PLEKHG1: variants seen among roughly 807,000 people sequenced by gnomAD.
The protein encoded by PLEKHG1 is pleckstrin homology and RhoGEF domain containing G1.
PLEKHG1 carries 44 observed loss-of-function variants against 100.8 expected under a neutral mutation model. The ratio of observed to expected loss-of-function variants is 0.44; its 90% confidence interval spans 0.34 to 0.56. The LOEUF is 0.56. Ranked by LOEUF, PLEKHG1 falls within the 20% of genes least tolerant of loss-of-function variation. The pLI, the probability that PLEKHG1 is intolerant of heterozygous loss-of-function variation, is 0.01. For synonymous variants in PLEKHG1, 640 were observed against 662.5 expected, an observed-to-expected ratio of 0.97 and a Z score of 0.52; for missense variants, 1,545 against 1,720.9, an observed-to-expected ratio of 0.90 and a Z score of 1.81.
At chr6:150,723,100 C>T (rs1051268930) in intron 1 of PLEKHG1, among the ~76,000 whole-genome samples, 2 of 152,070 alleles carry the variant, frequency 1.3e-5, no homozygotes, top group African/African-American at 4.8e-5. Context: ...GGGAAGAGGC[C>T]GTGCAGTCGT....
At position 150,661,570 on chromosome 6, in the gene PLEKHG1, T is replaced by A. The variant is rs967020649; in HGVS notation, c.-99+10784T>A. 8.9e-4 allele frequency among the ~76,000 whole-genome samples: 135 copies of A among 152,336 alleles called. 1 individual carries two copies. The highest frequency in any genetic ancestry group is 3.1e-3 in the African/African-American group (131 of 41,590). On this transcript the variant is annotated intron_variant, in intron 3 of 3. Coordinates refer to the PLEKHG1 transcript ENST00000367326. ...ACAGTTAGGGCCATCTGGGGGCCAG[T>A]TCCCATTACTGATGTTCTTCCCATT...
intron 2 of PLEKHG1, among the ~76,000 whole-genome samples, chr6:150,642,915 G>A (rs1449430293): frequency 6.6e-6 from 1 of 151,932 alleles, no homozygotes. Flanking sequence ...TGTAATAGTA[G>A]CGGTACTTAA....
chr6:150,835,773 A>G (rs1428913476), intron 15 of PLEKHG1, among the ~76,000 whole-genome samples: 1 of 151,960 alleles, frequency 6.6e-6, no homozygotes, highest in African/African-American at 2.4e-5. Flanking sequence ...CAAGCTATAG[A>G]CTCTCTTAGA....
At chr6:150,669,079 GA>G (rs1779497258) in intron 3 of PLEKHG1, among the ~76,000 whole-genome samples, 1 of 152,106 alleles carries the variant, frequency 6.6e-6, no homozygotes, top group Non-Finnish European at 1.5e-5. Context: ...TAGTTCTGAG[GA>G]AAGCCTAAAA....
chr6:150,833,626 G>C (rs1777078247), intron 15 of PLEKHG1, among the ~76,000 whole-genome samples: 1 of 152,192 alleles, frequency 6.6e-6, no homozygotes, highest in Non-Finnish European at 1.5e-5. Context: ...AAAGTCCAAA[G>C]GTAGTGGCTC....
At chr6:150,793,551 A>G (rs147599158) in intron 4 of PLEKHG1, among the ~76,000 whole-genome samples, 1 of 152,320 alleles carries the variant, frequency 6.6e-6, no homozygotes, top group Non-Finnish European at 1.5e-5. Context: ...AAATACCACC[A>G]TTTTCCAACT....
At chr6:150,687,535 T>C (rs1168671835) in intron 3 of PLEKHG1, among the ~76,000 whole-genome samples, 1 of 152,240 alleles carries the variant, frequency 6.6e-6, no homozygotes. Context: ...GAAATAAATT[T>C]TCATTAGAAT....
At chr6:150,724,085 A>G (rs938101787) in intron 1 of PLEKHG1, among the ~76,000 whole-genome samples, 1 of 152,244 alleles carries the variant, frequency 6.6e-6, no homozygotes, top group Non-Finnish European at 1.5e-5. Flanking sequence ...GGGCATGTCT[A>G]GCACCAGTGA....
At chr6:150,715,924 C>A (rs1461771298) in intron 3 of PLEKHG1, among the ~76,000 whole-genome samples, 1 of 147,328 alleles carries the variant, frequency 6.8e-6, no homozygotes, top group Admixed American at 6.7e-5. Context: ...CTGGCTAACA[C>A]GGTGAAACCC....
chr6:150,718,890 CAA>C (rs111800365), upstream of PLEKHG1, among the ~76,000 whole-genome samples: 65 of 143,966 alleles, frequency 4.5e-4, no homozygotes, highest in South Asian at 8.8e-4. Context: ...AATATAAAGG[CAA>C]AAAAAAAAAA....
chr6:150,688,127 AT>A (rs1780205907), intron 3 of PLEKHG1, among the ~76,000 whole-genome samples: 1 of 151,604 alleles, frequency 6.6e-6, no homozygotes, highest in Non-Finnish European at 1.5e-5. Flanking sequence ...AAACCTAGGC[AT>A]TCCGTAAGAA....
intron 1 of PLEKHG1, among the ~76,000 whole-genome samples, chr6:150,609,580 A>G (rs532282014): frequency 6.6e-6 from 1 of 152,300 alleles, no homozygotes; most frequent in African/African-American, 2.4e-5. Flanking sequence ...GCAGGTCTTT[A>G]TAACATCAAA....
intron 3 of PLEKHG1, among the ~76,000 whole-genome samples, chr6:150,776,141 G>A (rs921738287): frequency 9.9e-5 from 15 of 152,222 alleles, no homozygotes; most frequent in African/African-American, 3.6e-4. Flanking sequence ...CTGTAAAAGA[G>A]AACAGTGTTT....
Position 150,600,173 on chromosome 6 carries a change from G to A in PLEKHG1, c.-204+156G>A, listed in dbSNP as rs981559181. 7.3e-5 allele frequency among the ~76,000 whole-genome samples: 11 copies of A among 151,454 alleles called. No individual in the cohort carries two copies. The highest frequency in any genetic ancestry group is 1.5e-4 in the Non-Finnish European group (10 of 67,808). Reference sequence around the variant, plus strand: ...CCCCCTGCGCGCCCCTCCGCAGTGGGGACGGAGGGCCTTGGGGGGCGCCGA... The same window carrying A: ...CCCCCTGCGCGCCCCTCCGCAGTGGAGACGGAGGGCCTTGGGGGGCGCCGA... On this transcript the variant is annotated intron_variant, in intron 1 of 3. Coordinates refer to the PLEKHG1 transcript ENST00000367326. This position sits in a 1 kb window ranked among gnomAD's most constrained non-coding sequence, Gnocchi z 6.2.
intron 1 of PLEKHG1, chr6:150,625,053 A>G (rs1277313156): frequency 6.6e-6 from 1 of 152,142 alleles, no homozygotes; most frequent in Non-Finnish European, 1.5e-5. Context: ...TAGCCAGACT[A>G]AAATTGCCTG....
intron 2 of PLEKHG1, among the ~76,000 whole-genome samples, chr6:150,758,186 G>A (rs1466296575): frequency 6.6e-6 from 1 of 152,108 alleles, no homozygotes; most frequent in Non-Finnish European, 1.5e-5. Flanking sequence ...ATTCCTTTGG[G>A]TATATAGCCA....
chr6:150,692,810 A>G (rs1406475543), intron 3 of PLEKHG1, among the ~76,000 whole-genome samples: 2 of 152,192 alleles, frequency 1.3e-5, no homozygotes, highest in Admixed American at 1.3e-4. Flanking sequence ...TACTAAGTCA[A>G]ACTGAAATTA....
At chr6:150,798,618 G>A (rs1318245003) in intron 5 of PLEKHG1, among the ~76,000 whole-genome samples, 2 of 152,168 alleles carry the variant, frequency 1.3e-5, no homozygotes, top group Admixed American at 6.6e-5. Context: ...TCTTTTGAAG[G>A]TCAGATGCAA....
intron 2 of PLEKHG1, among the ~76,000 whole-genome samples, chr6:150,645,474 T>C (rs1246102460): frequency 6.6e-6 from 1 of 152,186 alleles, no homozygotes; most frequent in Non-Finnish European, 1.5e-5. Flanking sequence ...AGATCCTCTG[T>C]TGAGAGTGAA....
Sources: allele counts gnomAD v4.1 joint callset (sites outside exome capture counted in the v4.1 genomes callset), GRCh38; gene constraint gnomAD v4.1.1; non-coding constraint Gnocchi (gnomAD v3.1); transcripts MANE v1.5; gene names NCBI Gene and HGNC (gene_info 2026-07-23, HGNC 2026-07-21).